GABRG3: variants seen among roughly 807,000 people sequenced by gnomAD.
The protein encoded by GABRG3 is gamma-aminobutyric acid type A receptor subunit gamma3.
GABRG3 carries 25 observed loss-of-function variants against 48.8 expected under a neutral mutation model. The observed-to-expected ratio is 0.51, with a 90% CI of 0.37 to 0.72. The LOEUF (loss-of-function observed/expected upper bound fraction) is 0.72, where lower values mean the gene tolerates loss of function less well. Ranked by LOEUF, GABRG3 falls within the 30% of genes least tolerant of loss-of-function variation. The probability of loss-of-function intolerance (pLI) is 0.00; values close to 1 mark genes in which losing one functional copy is unlikely to be tolerated. For synonymous variants in GABRG3, 227 were observed against 217.6 expected, an observed-to-expected ratio of 1.04 and a Z score of -0.38; for missense variants, 394 against 577.9, an observed-to-expected ratio of 0.68 and a Z score of 3.26.
intron 3 of GABRG3, among the ~76,000 whole-genome samples, chr15:27,292,658 TAAAAC>T (rs778631253): frequency 3.3e-5 from 5 of 152,132 alleles, no homozygotes; most frequent in Non-Finnish European, 5.9e-5. Flanking sequence ...TCTATTAGCA[TAAAAC>T]AAAACAAAAC....
rs140005384 is a variant in GABRG3, at chr15:27,389,509, A to G, written c.574+60621A>G. On this transcript the variant is annotated intron_variant, in intron 5 of 9. Transcript: ENST00000615808. ...TGAAATGGGTTATTTTGATAAATAA[A>G]GTATGTTGTTGGAGTGTGTGTAGTC... Among the ~76,000 whole-genome samples the G allele has an allele frequency of 9.4e-3, 1,427 of 152,308 alleles. 17 individuals carry two copies. The highest frequency in any genetic ancestry group is 0.032 in the African/African-American group (1,351 of 41,574).
At chr15:27,166,440 G>A (rs1405747749) in intron 3 of GABRG3, among the ~76,000 whole-genome samples, 1 of 152,148 alleles carries the variant, frequency 6.6e-6, no homozygotes, top group East Asian at 1.9e-4. Context: ...TTTGTAGGAA[G>A]AGTGAAAGGT....
At chr15:27,145,422 G>A (rs552574960) in intron 3 of GABRG3, among the ~76,000 whole-genome samples, 22 of 152,034 alleles carry the variant, frequency 1.4e-4, no homozygotes, top group Non-Finnish European at 3.2e-4. Flanking sequence ...TTCACTAAAG[G>A]TACTCAACAG....
intron 3 of GABRG3, among the ~76,000 whole-genome samples, chr15:27,086,344 TG>T (rs59405048): frequency 0.22 from 32,767 of 151,914 alleles, 3,670 homozygotes; most frequent in Middle Eastern, 0.28. Context: ...AAAGGCAGCA[TG>T]GGTTGTGGGG....
At chr15:27,421,223 T>C (rs892022292) in intron 5 of GABRG3, among the ~76,000 whole-genome samples, 1 of 152,154 alleles carries the variant, frequency 6.6e-6, no homozygotes, top group African/African-American at 2.4e-5. Context: ...GGCCCACACA[T>C]TGAATTAGCT....
At chr15:27,292,925 C>G (rs1054728559) in intron 3 of GABRG3, among the ~76,000 whole-genome samples, 1 of 152,158 alleles carries the variant, frequency 6.6e-6, no homozygotes, top group African/African-American at 2.4e-5. Flanking sequence ...TTTTCTCTAC[C>G]TAACGATATT....
Position 27,101,842 on chromosome 15 carries a change from TAAAAA to T in GABRG3, c.270+75041_270+75045del, listed in dbSNP as rs55887752. On this transcript the variant is annotated intron_variant, in intron 3 of 9. Transcript: ENST00000615808. ...CTAACAGTAACGATAGCTGATGAGC[TAAAAA>T]AAAAAAAAAAAAAAAAAAATTCTGA... Among the ~76,000 whole-genome samples the T allele has an allele frequency of 4.7e-4, 34 of 72,524 alleles. No homozygotes were observed. In the East Asian group the frequency reaches 0.01, roughly 22 times the overall value. 47.6% of individuals were successfully genotyped at this position (72,524 alleles called of 152,430 possible).
chr15:27,521,483 A>G (rs1891158463), intron 7 of GABRG3, among the ~76,000 whole-genome samples: 1 of 152,134 alleles, frequency 6.6e-6, no homozygotes, highest in South Asian at 2.1e-4. Context: ...ATAAGAACTT[A>G]TTAGACATTC....
intron 3 of GABRG3, among the ~76,000 whole-genome samples, chr15:27,036,497 C>T (rs1374254889): frequency 6.6e-6 from 1 of 152,204 alleles, no homozygotes; most frequent in African/African-American, 2.4e-5. Context: ...GGAGACCAGC[C>T]TGACCAACAT....
chr15:27,323,790 T>C (rs1671579716), intron 3 of GABRG3, among the ~76,000 whole-genome samples: 1 of 152,076 alleles, frequency 6.6e-6, no homozygotes, highest in Admixed American at 6.6e-5. Flanking sequence ...CCTTCCCCAC[T>C]CTATCAGTCT....
At chr15:27,009,387 G>A (rs907078006) in intron 2 of GABRG3, among the ~76,000 whole-genome samples, 4 of 152,054 alleles carry the variant, frequency 2.6e-5, no homozygotes, top group Admixed American at 2.6e-4. Context: ...TTTTGTCAGA[G>A]GACACATGAC....
chr15:27,292,779 A>G (rs1891838726), intron 3 of GABRG3, among the ~76,000 whole-genome samples: 1 of 152,214 alleles, frequency 6.6e-6, no homozygotes. Flanking sequence ...CGAAGTTGTT[A>G]CTATAGCTAC....
intron 5 of GABRG3, among the ~76,000 whole-genome samples, chr15:27,393,127 C>T (rs891737062): frequency 1.3e-5 from 2 of 151,990 alleles, no homozygotes; most frequent in Non-Finnish European, 2.9e-5. Flanking sequence ...GGGCAGATCA[C>T]GAGGTCAGGA....
intron 5 of GABRG3, among the ~76,000 whole-genome samples, chr15:27,354,295 A>G (rs1894760322): frequency 6.6e-6 from 1 of 152,170 alleles, no homozygotes; most frequent in Admixed American, 6.5e-5. Context: ...GCCCCTGCGT[A>G]CCTCCTTCTC....
intron 3 of GABRG3, among the ~76,000 whole-genome samples, chr15:27,287,774 T>C (rs1891664715): frequency 2.0e-5 from 3 of 148,382 alleles, no homozygotes; most frequent in Non-Finnish European, 4.4e-5. Flanking sequence ...AGTCTCGCTC[T>C]GTTGCCCAGG....
chr15:27,184,445 A>T (rs1595571770), intron 3 of GABRG3, among the ~76,000 whole-genome samples: 1 of 152,336 alleles, frequency 6.6e-6, no homozygotes, highest in Non-Finnish European at 1.5e-5. Flanking sequence ...TCTTTATGCC[A>T]AAACAGCACA....
intron 2 of GABRG3, among the ~76,000 whole-genome samples, chr15:27,004,396 C>T (rs1038928081): frequency 4.0e-5 from 6 of 151,268 alleles, no homozygotes; most frequent in South Asian, 2.1e-4. Context: ...TGATGGCGGC[C>T]GGGAAGAGGC....
chr15:27,250,761 A>G (rs963735593), intron 3 of GABRG3, among the ~76,000 whole-genome samples: 5 of 152,180 alleles, frequency 3.3e-5, no homozygotes, highest in Admixed American at 1.3e-4. Flanking sequence ...GCCCGTGACA[A>G]GAGTTAAATA....
At chr15:27,300,678 C>CAAA (rs10600874) in intron 3 of GABRG3, among the ~76,000 whole-genome samples, 5 of 101,280 alleles carry the variant, frequency 4.9e-5, no homozygotes, top group East Asian at 8.3e-4. Flanking sequence ...AATAAATAAG[C>CAAA]AAAAAAAAAA....
Sources: gnomAD v4.1 joint callset for allele counts (sites outside exome capture counted in the v4.1 genomes callset) on GRCh38, gnomAD v4.1.1 for gene constraint, MANE v1.5 for transcripts, NCBI Gene and HGNC (gene_info 2026-07-23, HGNC 2026-07-21) for gene names.